NCOR2: variants seen among roughly 807,000 people sequenced by gnomAD.
NCOR2 encodes nuclear receptor corepressor 2, also known as CTG repeat protein 26.
A neutral mutation model predicts 262.9 loss-of-function variants in NCOR2; 81 were observed. That is an observed-to-expected ratio of 0.31 (90% CI 0.26 to 0.37). The LOEUF (loss-of-function observed/expected upper bound fraction) is 0.37, where lower values mean the gene tolerates loss of function less well. Ranked by LOEUF, NCOR2 falls within the 10% of genes least tolerant of loss-of-function variation. The probability of loss-of-function intolerance (pLI) is 1.00; values close to 1 mark genes in which losing one functional copy is unlikely to be tolerated. For missense variants in NCOR2, 3,385 were observed against 3,621.4 expected (o/e 0.93, Z 1.68); for synonymous variants, 1,659 against 1,559.3 (o/e 1.06, Z -1.51).
At position 124,525,588 on chromosome 12, in the gene NCOR2, T is replaced by C. The variant is rs1229409207; in HGVS notation, c.-118+9977A>G. On this transcript the variant is annotated intron_variant, in intron 1 of 46. Coordinates refer to the NCOR2 transcript ENST00000404621. ...AAGCAGATGTCCCACGTCCTGACCA[T>C]CCCACACTGCCCAGAGCAGCTGCTG... is the stretch of plus-strand genomic sequence containing the variant. Among the ~76,000 whole-genome samples, 6 of 152,188 alleles carry C rather than the reference T, an allele frequency of 3.9e-5. No individual in the cohort carries two copies. In the East Asian group the frequency reaches 1.2e-3, roughly 29 times the overall value.
In NCOR2 at chr12:124,457,408, C is replaced by T. The variant is rs1448493738; in HGVS notation, c.706-246G>A. ...CAAGTTTCGATTTTAGCAAATGCGC[C>T]GGGTCCACTGAAGCCTGCTCCCCGG... On this transcript the variant is annotated intron_variant, in intron 5 of 46. Transcript: ENST00000405201. The surrounding 1 kb of genome is among the most constrained non-coding windows in gnomAD (Gnocchi z 4.0). Among the ~76,000 whole-genome samples the T allele has an allele frequency of 6.6e-5, 10 of 151,998 alleles. No homozygotes were observed. The highest frequency in any genetic ancestry group is 3.9e-4 in the Admixed American group (6 of 15,274).
intron 3 of NCOR2, among the ~76,000 whole-genome samples, chr12:124,477,520 G>C (rs182447960): frequency 6.6e-6 from 1 of 152,282 alleles, no homozygotes; most frequent in East Asian, 1.9e-4. Flanking sequence ...TCTCCTTTTG[G>C]GGTGATGAGA....
At position 124,416,171 on chromosome 12, in the gene NCOR2, C is replaced by T. The variant is rs78493338; in HGVS notation, c.1482+3786G>A. On this transcript the variant is annotated intron_variant, in intron 13 of 46. Coordinates refer to ENST00000405201, the Ensembl canonical transcript of NCOR2. The stretch of plus-strand genomic sequence containing the variant: ...CCACTCCCTACTCCCTCCCCAGACA[C>T]GAAGGCAAGTGTGAGCTGTTATTTA... Among the ~76,000 whole-genome samples, 689 of 152,112 alleles carry T rather than the reference C, an allele frequency of 4.5e-3. 16 individuals carry two copies. The East Asian group carries it at 0.071, about 16-fold the overall frequency.
chr12:124,396,130 T>C (rs1282287741), intron 16 of NCOR2, among the ~76,000 whole-genome samples: 4 of 152,012 alleles, frequency 2.6e-5, no homozygotes, highest in Non-Finnish European at 2.9e-5. Context: ...AACAGGCCAA[T>C]CCACAGAGAC....
intron 20 of NCOR2, among the ~76,000 whole-genome samples, chr12:124,371,190 T>C (rs906050796): frequency 8.0e-5 from 12 of 150,734 alleles, no homozygotes; most frequent in Admixed American, 4.0e-4. Flanking sequence ...CGTGACTCAG[T>C]GCCCCCACCC....
At chr12:124,340,348 T>C (rs1566365581) in exon 36 of NCOR2, 1 of 1,612,978 alleles carries the variant, frequency 6.2e-7, no homozygotes, top group Non-Finnish European at 8.5e-7. Flanking sequence ...AGGATGGACT[T>C]TTCCCGCTCC....
In NCOR2 at chr12:124,431,784, GAC is replaced by G. The variant is rs565461701; in HGVS notation, c.883-999_883-998del. Among the ~76,000 whole-genome samples the G allele has an allele frequency of 4.6e-3, 696 of 149,954 alleles. 1 individual carries two copies. The highest frequency in any genetic ancestry group is 7.4e-3 in the Non-Finnish European group (500 of 67,706). ...CACACAGTCACACAGTCACATGGCA[GAC>G]ACACAGACAGATACACAGGCAGACA... On this transcript the variant is annotated intron_variant, in intron 8 of 46. Coordinates refer to ENST00000405201, the Ensembl canonical transcript of NCOR2.
At chr12:124,553,681 T>C (rs2051787952) in intron 1 of NCOR2, among the ~76,000 whole-genome samples, 1 of 152,226 alleles carries the variant, frequency 6.6e-6, no homozygotes, top group African/African-American at 2.4e-5. Flanking sequence ...AAAGAACTTA[T>C]CAATACTTTT....
intron 17 of NCOR2, among the ~76,000 whole-genome samples, chr12:124,384,636 AG>A (rs1311315662): frequency 6.6e-6 from 1 of 152,156 alleles, no homozygotes; most frequent in Admixed American, 6.5e-5. Context: ...GAGTTCAAAC[AG>A]GGGGAGGCTA....
intron 1 of NCOR2, among the ~76,000 whole-genome samples, chr12:124,557,732 G>A (rs1321302798): frequency 1.3e-5 from 2 of 152,096 alleles, no homozygotes; most frequent in African/African-American, 2.4e-5. Flanking sequence ...GTGGGTGGGC[G>A]GGATGGCAGG....
At chr12:124,553,269 A>G (rs918739226) in intron 1 of NCOR2, among the ~76,000 whole-genome samples, 2 of 152,194 alleles carry the variant, frequency 1.3e-5, no homozygotes, top group African/African-American at 4.8e-5. Context: ...AATCTAGGAT[A>G]ATCTCCCATC....
At position 124,383,780 on chromosome 12, in the gene NCOR2, A is replaced by G. The variant is rs371626086; in HGVS notation, c.2019+1965T>C. ...AACTGAGGCTTAGAAGGCTGAATTC[A>G]CTGCCCAAGGTCACAGGGGTGCCCA... On this transcript the variant is annotated intron_variant, in intron 17 of 46. Transcript: ENST00000405201. 3.9e-5 allele frequency among the ~76,000 whole-genome samples: 6 copies of G among 152,234 alleles called. No homozygotes were observed. In the East Asian group the frequency reaches 9.6e-4, roughly 24 times the overall value.
intron 17 of NCOR2, among the ~76,000 whole-genome samples, chr12:124,385,265 C>T (rs1015193282): frequency 1.4e-4 from 22 of 152,296 alleles, no homozygotes; most frequent in South Asian, 4.1e-4. Context: ...CTGAGACGTC[C>T]GCCCCCGCCC....
chr12:124,515,836 T>C (rs1334760487), intron 1 of NCOR2, among the ~76,000 whole-genome samples: 1 of 152,216 alleles, frequency 6.6e-6, no homozygotes, highest in African/African-American at 2.4e-5. Context: ...TCTTATCACA[T>C]GTGCAGACTC....
At position 124,362,122 on chromosome 12, in the gene NCOR2, T is replaced by A. The variant is rs958637026; in HGVS notation, c.3100+4A>T. On this transcript the variant is annotated splice_donor_region_variant and intron_variant, in intron 22 of 46. Transcript: ENST00000405201. ...GCCCCACTCAGCCACTGGTGTGCAC[T>A]CACCCTCCTTGTCGGCGGGGGGTGC... 3 of 1,298,070 alleles carry A rather than the reference T, an allele frequency of 2.3e-6. No homozygotes were observed. In the African/African-American group the frequency reaches 4.5e-5, roughly 20 times the overall value. 80.4% of individuals were successfully genotyped at this position (1,298,070 alleles called of 1,614,324 possible). A position where few individuals can be genotyped will look rare whatever the true frequency, so the allele number is the denominator to read the frequency against.
chr12:124,381,243 C>T (rs1290065250), intron 17 of NCOR2, among the ~76,000 whole-genome samples: 4 of 152,116 alleles, frequency 2.6e-5, no homozygotes, highest in African/African-American at 7.2e-5. Flanking sequence ...GCCACAGGGC[C>T]TCTACACTGG....
intron 17 of NCOR2, among the ~76,000 whole-genome samples, chr12:124,379,120 G>A (rs149926785): frequency 0.011 from 562 of 50,244 alleles, 5 homozygotes; most frequent in African/African-American, 0.031. Flanking sequence ...CGGAGGGAAT[G>A]GGCCAGGCCA....
rs757713409 is a variant in NCOR2, at chr12:124,531,224, G to T, written c.-118+4341C>A. On this transcript the variant is annotated intron_variant, in intron 1 of 46. Transcript: ENST00000404621. The surrounding 1 kb of genome is among the most constrained non-coding windows in gnomAD (Gnocchi z 4.5). ...AGCCAGAGCCCACCCGTTTATGAAA[G>T]AAAATGATAATAATAATAGAAGGAC... Among the ~76,000 whole-genome samples, 12 of 152,160 alleles carry T rather than the reference G, an allele frequency of 7.9e-5. No homozygotes were observed. Among genetic ancestry groups the T allele is most frequent in the Admixed American group, 3.3e-4 (5 of 15,286 alleles).
intron 45 of NCOR2, 25 bp downstream of exon 47, chr12:124,327,384 G>A: frequency 6.4e-7 from 1 of 1,559,482 alleles, no homozygotes. Context: ...GACAGACGGG[G>A]GCGGGGCGGG....
Sources: allele counts gnomAD v4.1 joint callset (sites outside exome capture counted in the v4.1 genomes callset), GRCh38; gene constraint gnomAD v4.1.1; non-coding constraint Gnocchi (gnomAD v3.1); transcripts MANE v1.5; gene names NCBI Gene and HGNC (gene_info 2026-07-23, HGNC 2026-07-21).